The following SMURF1 variants were observed in gnomAD, a reference collection of about 807,000 sequenced individuals.
SMURF1 encodes the protein E3 ubiquitin-protein ligase SMURF1.
A neutral mutation model predicts 98.0 loss-of-function variants in SMURF1; 44 were observed. The ratio of observed to expected loss-of-function variants is 0.45; its 90% CI spans 0.35 to 0.58. The LOEUF (loss-of-function observed/expected upper bound fraction) is 0.58, where lower values mean the gene tolerates loss of function less well. Among genes scored for constraint, SMURF1 ranks in the 20% least tolerant of loss-of-function variants. The probability of loss-of-function intolerance (pLI) is 0.00; values close to 1 mark genes in which losing one functional copy is unlikely to be tolerated. For missense variants in SMURF1, 687 were observed against 938.4 expected (o/e 0.73, Z 3.50); for synonymous variants, 396 against 374.9 (o/e 1.06, Z -0.65).
At position 99,030,317 on chromosome 7, in the gene SMURF1, C is replaced by A. The variant is rs1246233679; in HGVS notation, c.*267G>T. 2.9e-5 allele frequency: 13 copies of A among 454,186 alleles called. No individual in the cohort carries two copies. Among genetic ancestry groups the A allele is most frequent in the Non-Finnish European group, 5.3e-5 (13 of 245,638 alleles). The allele number at this position is 454,186 out of a possible 1,614,324, so 28.1% of individuals were successfully genotyped here. ...CAACACAGCAGAATATCCTGTGTGA[C>A]CAAAGCCAAAGGCTAAACCTGGCTG... On this transcript the variant is annotated 3_prime_UTR_variant, in exon 18 of 18. Coordinates refer to ENST00000361368, the MANE Select transcript of SMURF1 (RefSeq NM_181349.3).
intron 1 of SMURF1, among the ~76,000 whole-genome samples, chr7:99,140,281 C>CTTTTTTTTTTTTTT (rs11421940): frequency 1.2e-5 from 1 of 85,796 alleles, no homozygotes; most frequent in Non-Finnish European, 2.1e-5. Context: ...CTTCAGTATC[C>CTTTTTTTTTTTTTT]TTTTTTTTTT....
At chr7:99,082,987 T>G (rs543566826) in intron 1 of SMURF1, among the ~76,000 whole-genome samples, 1 of 152,326 alleles carries the variant, frequency 6.6e-6, no homozygotes, top group Non-Finnish European at 1.5e-5. Context: ...TTTATACTAT[T>G]TTAAAATAGA....
At chr7:99,142,415 A>G (rs1338010468) in intron 1 of SMURF1, among the ~76,000 whole-genome samples, 1 of 151,764 alleles carries the variant, frequency 6.6e-6, no homozygotes, top group East Asian at 1.9e-4. Flanking sequence ...GGCCTAAGAG[A>G]CAGGAAGTGG....
chr7:99,035,434 C>T, intron 16 of SMURF1, 81 bp downstream of exon 16: 1 of 1,513,152 alleles, frequency 6.6e-7, no homozygotes, highest in Non-Finnish European at 9.1e-7. Context: ...CTCAGAAAAA[C>T]ATCCCAGCCA....
intron 1 of SMURF1, among the ~76,000 whole-genome samples, chr7:99,097,199 G>T (rs1796973296): frequency 6.6e-6 from 1 of 152,084 alleles, no homozygotes; most frequent in African/African-American, 2.4e-5. Flanking sequence ...TCTACCTTAA[G>T]AAATTTTAAA....
intron 1 of SMURF1, among the ~76,000 whole-genome samples, chr7:99,100,830 T>C (rs773168030): frequency 9.9e-5 from 15 of 152,198 alleles, no homozygotes; most frequent in Non-Finnish European, 1.8e-4. Context: ...TTTAGACATA[T>C]ACATCTTACA....
At chr7:99,058,588 A>G (rs1193042499) in intron 3 of SMURF1, among the ~76,000 whole-genome samples, 1 of 152,206 alleles carries the variant, frequency 6.6e-6, no homozygotes, top group Non-Finnish European at 1.5e-5. Context: ...TTAAACCTCC[A>G]TTTACTGTCA....
intron 1 of SMURF1, among the ~76,000 whole-genome samples, chr7:99,142,636 G>T (rs1260460228): frequency 2.3e-5 from 3 of 131,408 alleles, no homozygotes; most frequent in African/African-American, 8.8e-5. Flanking sequence ...GGAGGACGGT[G>T]TGGGGGGGTG....
At chr7:99,136,040 A>C (rs1187025229) in intron 1 of SMURF1, among the ~76,000 whole-genome samples, 1 of 152,240 alleles carries the variant, frequency 6.6e-6, no homozygotes. Flanking sequence ...GAAAATGGGC[A>C]TAAGAGAGAA....
intron 1 of SMURF1, among the ~76,000 whole-genome samples, chr7:99,097,469 T>C (rs527532838): frequency 6.6e-6 from 1 of 152,286 alleles, no homozygotes; most frequent in African/African-American, 2.4e-5. Context: ...CATGAATGGA[T>C]TGATGACATT....
chr7:99,059,530 A>G (rs1432480618), intron 3 of SMURF1, among the ~76,000 whole-genome samples: 1 of 152,084 alleles, frequency 6.6e-6, no homozygotes, highest in Non-Finnish European at 1.5e-5. Context: ...CTTTGATCAT[A>G]TAAAACTATA....
chr7:99,110,297 T>C (rs1160016859), intron 1 of SMURF1, among the ~76,000 whole-genome samples: 1 of 152,162 alleles, frequency 6.6e-6, no homozygotes, highest in East Asian at 1.9e-4. Context: ...ATATGAAGGG[T>C]TGAACAAATG....
chr7:99,049,517 G>A (rs779550916), intron 9 of SMURF1, 46 bp downstream of exon 9: 13 of 1,583,050 alleles, frequency 8.2e-6, no homozygotes, highest in African/African-American at 4.1e-5. Flanking sequence ...GAAAGCATTC[G>A]ATTACCAATG....
chr7:99,143,984 C>T lies in SMURF1; in HGVS notation c.-204G>A, dbSNP rs1283011375. The T allele has an allele frequency of 4.9e-6, 2 of 404,732 alleles. No homozygotes were observed. The highest frequency in any genetic ancestry group is 8.6e-6 in the Non-Finnish European group (2 of 233,888). The allele number at this position is 404,732 out of a possible 1,614,324, so 25.1% of individuals were successfully genotyped here. A position where few individuals can be genotyped will look rare whatever the true frequency, so the allele number is the denominator to read the frequency against. On this transcript the variant is annotated 5_prime_UTR_variant, in exon 1 of 18. Coordinates refer to ENST00000361368, the MANE Select transcript of SMURF1 (RefSeq NM_181349.3). ...ATCGGCGCTTGCTGCGGCGCTCTGACCCTCGCTGCTTCCAGCCGAGCCCAG... is the reference window on the plus strand; with the variant it reads ...ATCGGCGCTTGCTGCGGCGCTCTGATCCTCGCTGCTTCCAGCCGAGCCCAG...
At chr7:99,131,868 C>T (rs1797879009) in intron 1 of SMURF1, among the ~76,000 whole-genome samples, 1 of 152,046 alleles carries the variant, frequency 6.6e-6, no homozygotes, top group South Asian at 2.1e-4. Flanking sequence ...AAGGCTTCCC[C>T]AGGTCTCTCC....
intron 12 of SMURF1, 133 bp downstream of exon 12, chr7:99,041,985 C>G (rs757278898): frequency 4.3e-6 from 3 of 702,518 alleles, no homozygotes; most frequent in Non-Finnish European, 7.4e-6. Context: ...TTCACTTTAC[C>G]TCTCCATGTT....
At chr7:99,072,891 A>AC (rs764422493) in intron 1 of SMURF1, among the ~76,000 whole-genome samples, 29 of 152,174 alleles carry the variant, frequency 1.9e-4, no homozygotes, top group Non-Finnish European at 2.9e-4. Flanking sequence ...ATCATTATTC[A>AC]CATCACAGTA....
At chr7:99,040,229 A>AGC in intron 13 of SMURF1, 149 bp downstream of exon 13, 1 of 865,482 alleles carries the variant, frequency 1.2e-6, no homozygotes, top group Non-Finnish European at 1.6e-6. Flanking sequence ...CTTCCAAAAA[A>AGC]TCCCCTTTTT....
In SMURF1 at chr7:99,137,537, C is replaced by T. The variant is rs1270620308; in HGVS notation, c.55+6189G>A. Among the ~76,000 whole-genome samples, 4 of 152,306 alleles carry T rather than the reference C, an allele frequency of 2.6e-5. No individual in the cohort carries two copies. The South Asian group carries it at 6.2e-4, about 24-fold the overall frequency. Reference sequence around the variant, plus strand: ...GGCTGCCATCTACAATCTGCAGCTTCGTGACATGCTCCTCCAGACTCCTGA... The same window carrying T: ...GGCTGCCATCTACAATCTGCAGCTTTGTGACATGCTCCTCCAGACTCCTGA... On this transcript the variant is annotated intron_variant, in intron 1 of 17. Coordinates refer to ENST00000361368, the MANE Select transcript of SMURF1 (RefSeq NM_181349.3).
Sources: gnomAD v4.1 joint callset for allele counts (sites outside exome capture counted in the v4.1 genomes callset) on GRCh38, gnomAD v4.1.1 for gene constraint, MANE v1.5 for transcripts, NCBI Gene and HGNC (gene_info 2026-07-23, HGNC 2026-07-21) for gene names.